The following ADAM15 variants were observed in gnomAD, a reference collection of about 807,000 sequenced individuals.
The protein encoded by ADAM15 is ADAM metallopeptidase domain 15.
In ADAM15, 77 loss-of-function variants were observed where a neutral mutation model predicts 113.8. The ratio of observed to expected loss-of-function variants is 0.68; its 90% confidence interval spans 0.56 to 0.82. ADAM15 has a LOEUF of 0.82. Among genes scored for constraint, ADAM15 ranks in the 40% least tolerant of loss-of-function variants. The probability of loss-of-function intolerance (pLI) is 0.00; values close to 1 mark genes in which losing one functional copy is unlikely to be tolerated. For missense variants in ADAM15, 963 were observed against 1,120.1 expected, an observed-to-expected ratio of 0.86 and a Z score of 2.00; for synonymous variants, 388 against 454.1, an observed-to-expected ratio of 0.85 and a Z score of 1.85.
chr1:155,052,407 A>G, intron 1 of ADAM15: 1 of 1,233,788 alleles, frequency 8.1e-7, no homozygotes, highest in Non-Finnish European at 1.1e-6. Context: ...ATTGGCCGGA[A>G]GGGGACAAGG....
At position 155,061,424 on chromosome 1, in the gene ADAM15, G is replaced by A. The variant is rs1390335682; in HGVS notation, c.2287G>A (p.Ala763Thr). ...CCTCCTGCCCTCTCAGCAGGCTAGT[G>A]CTCTCAGCTTCCCGGCCCCCCCTTC... The part of the protein sequence containing the change: ...LLARGTKQAS[A>T]LSFPAPPSRP... The change falls in exon 20 of 23, where the codon GCT (alanine) becomes ACT (threonine). Residue 763 changes from alanine to threonine, a missense_variant. Transcript: ENST00000356955. 5 of 1,613,300 alleles carry A rather than the reference G, an allele frequency of 3.1e-6. No individual in the cohort carries two copies. The highest frequency in any genetic ancestry group is 4.2e-6 in the Non-Finnish European group (5 of 1,179,792).
chr1:155,059,208 C>T (rs1200499585), intron 16 of ADAM15, among the ~76,000 whole-genome samples: 1 of 152,154 alleles, frequency 6.6e-6, no homozygotes, highest in Non-Finnish European at 1.5e-5. Flanking sequence ...GCTGGGATTA[C>T]AGTCACCCGC....
At chr1:155,053,291 C>A in intron 2 of ADAM15, 126 bp from the exon 3 acceptor site, 1 of 859,668 alleles carries the variant, frequency 1.2e-6, no homozygotes, top group Non-Finnish European at 1.9e-6. Flanking sequence ...CCTGGCCCCT[C>A]CCCTGGGATC....
At chr1:155,060,038 C>A in intron 17 of ADAM15, 64 bp downstream of exon 17, 1 of 1,596,572 alleles carries the variant, frequency 6.3e-7, no homozygotes, top group East Asian at 2.2e-5. Flanking sequence ...TTATCTTGCC[C>A]CCTCGGCCCT....
intron 19 of ADAM15, 178 bp downstream of exon 19, chr1:155,061,010 G>GAGTCCAGAA (rs2102424260): frequency 1.6e-6 from 1 of 637,112 alleles, no homozygotes; most frequent in East Asian, 2.8e-5. Flanking sequence ...CAGGGAAGCT[G>GAGTCCAGAA]AGTCCAGAAG....
Position 155,054,419 on chromosome 1 carries a change from A to G in ADAM15, c.525A>G (p.Pro175=). 6.2e-7 allele frequency: 1 copy of G among 1,613,998 alleles called. No individual in the cohort carries two copies. The highest frequency in any genetic ancestry group is 8.5e-7 in the Non-Finnish European group (1 of 1,179,960). Residue 175 remains proline, a synonymous_variant, in exon 6 of 23, where the codon CCA becomes CCG. Transcript: ENST00000356955. ...CGCGAATCCAAGATCTCCACCTGCC[A>G]GGCCACACCTGTGCCCTGAGCTGGC... ...IISRIQDLHL[P]GHTCALSWRE...
chr1:155,051,340 C>A lies in ADAM15; in HGVS notation c.-47C>A. 3 of 1,402,042 alleles carry A rather than the reference C, an allele frequency of 2.1e-6. No individual in the cohort carries two copies. Among genetic ancestry groups the A allele is most frequent in the African/African-American group, 1.5e-5 (1 of 65,478 alleles). 86.9% of individuals were successfully genotyped at this position (1,402,042 alleles called of 1,614,324 possible). On this transcript the variant is annotated 5_prime_UTR_variant, in exon 1 of 23. Coordinates refer to ENST00000356955, the MANE Select transcript of ADAM15 (RefSeq NM_207197.3). ...CCTGGCCGCCGGCCGCTCCTCCGCG[C>A]GCTGTTCCGCACTTGCTGCCCTCGC...
rs1662443888 is a variant in ADAM15 at position 155,060,644 on chromosome 1, A to G, written c.2208-119A>G. ...TGCCCCCCACCCCGGCCCTACCACAATTTTACCTAAACCACACATAAGTGC... is the reference window on the plus strand; with the variant it reads ...TGCCCCCCACCCCGGCCCTACCACAGTTTTACCTAAACCACACATAAGTGC... On this transcript the variant is annotated intron_variant, in intron 18 of 22. Transcript: ENST00000356955. 4.1e-6 allele frequency: 5 copies of G among 1,206,486 alleles called. No individual in the cohort carries two copies. In the South Asian group the frequency reaches 5.1e-5, roughly 12 times the overall value. 74.7% of individuals were successfully genotyped at this position (1,206,486 alleles called of 1,614,324 possible).
rs1007171259 is a variant in ADAM15 at position 155,057,785 on chromosome 1, A to G, written c.1416+56A>G. The G allele has an allele frequency of 5.6e-6, 9 of 1,613,314 alleles. No homozygotes were observed. Among genetic ancestry groups the G allele is most frequent in the Non-Finnish European group, 7.6e-6 (9 of 1,179,370 alleles). ...CTCACCTGCCGGGGCCAAGGTGGAAAGGGTCATTCTGACCCCCGGCTGGAT... is the reference window on the plus strand; with the variant it reads ...CTCACCTGCCGGGGCCAAGGTGGAAGGGGTCATTCTGACCCCCGGCTGGAT... On this transcript the variant is annotated intron_variant, in intron 13 of 22. Coordinates refer to ENST00000356955, the MANE Select transcript of ADAM15 (RefSeq NM_207197.3). This position sits in a 1 kb window ranked among gnomAD's most constrained non-coding sequence, Gnocchi z 5.0.
chr1:155,055,562 G>A (rs1356610081), intron 6 of ADAM15: 2 of 576,356 alleles, frequency 3.5e-6, no homozygotes, highest in East Asian at 2.9e-5. Flanking sequence ...AAAAACCACT[G>A]AGTTTGGAGC....
rs550092467 is a variant in ADAM15 at position 155,056,304 on chromosome 1, C to T, written c.914+55C>T. 189 of 1,611,512 alleles carry T rather than the reference C, an allele frequency of 1.2e-4. No homozygotes were observed. The highest frequency in any genetic ancestry group is 1.2e-3 in the Middle Eastern group (7 of 6,046). ...CAGTCCTGTCCTGGCCAAATTCACA[C>T]CCCTTCAGCACCCTACCTCAGCCCC... is the stretch of plus-strand genomic sequence containing the variant. On this transcript the variant is annotated intron_variant, in intron 9 of 22. Coordinates refer to ENST00000356955, the MANE Select transcript of ADAM15 (RefSeq NM_207197.3). The surrounding 1 kb of genome is among the most constrained non-coding windows in gnomAD (Gnocchi z 4.0).
At position 155,051,401 on chromosome 1, in the gene ADAM15, G is replaced by A. The variant is rs1232214750; in HGVS notation, c.15G>A (p.Leu5=). The A allele has an allele frequency of 6.5e-7, 1 of 1,548,586 alleles. No individual in the cohort carries two copies. Among genetic ancestry groups the A allele is most frequent in the Non-Finnish European group, 8.7e-7 (1 of 1,152,132 alleles). MRLA[L]LWALGLLGAG... ...GCGCCGCTGCCATGCGGCTGGCGCT[G>A]CTCTGGGCCCTGGGGCTCCTGGGCG... Residue 5 remains leucine (L), a synonymous_variant, in exon 1 of 23, where the codon CTG becomes CTA. Transcript: ENST00000356955.
intron 20 of ADAM15, 182 bp from the exon 21 acceptor site, chr1:155,061,722 G>A: frequency 1.2e-6 from 1 of 813,292 alleles, no homozygotes. Context: ...GACTGCGGTT[G>A]ACCTACACCT....
intron 2 of ADAM15, 105 bp downstream of exon 2, chr1:155,052,882 C>T (rs1415797001): frequency 2.1e-6 from 3 of 1,448,934 alleles, no homozygotes; most frequent in African/African-American, 2.8e-5. Context: ...GGGTAGAGCT[C>T]ACTGTAGTGG....
chr1:155,058,347 C>G lies in ADAM15; in HGVS notation c.1823C>G (p.Thr608Ser). 1 of 1,614,050 alleles carries G rather than the reference C, an allele frequency of 6.2e-7. No individual in the cohort carries two copies. The highest frequency in any genetic ancestry group is 8.5e-7 in the Non-Finnish European group (1 of 1,180,026). ...TGGGAGACAATAGATGTGAATGGGACTGAGCTGAACTGCAGCTGGGTGCAC... is the reference window on the plus strand; with the variant it reads ...TGGGAGACAATAGATGTGAATGGGAGTGAGCTGAACTGCAGCTGGGTGCAC... Reference protein sequence around the residue: ...LLWETIDVNGTELNCSWVHLD... With the variant: ...LLWETIDVNGSELNCSWVHLD... Residue 608 changes from threonine to serine, a missense_variant, in exon 15 of 23, where the codon ACT becomes AGT. By Grantham distance (58) the Thr-to-Ser change is moderately conservative. Coordinates refer to ENST00000356955, the MANE Select transcript of ADAM15 (RefSeq NM_207197.3). This position sits in a 1 kb window ranked among gnomAD's most constrained non-coding sequence, Gnocchi z 4.3.
At chr1:155,051,912 T>C (rs555159553) in intron 1 of ADAM15, 1 of 160,648 alleles carries the variant, frequency 6.2e-6, no homozygotes, top group Admixed American at 6.3e-5. Context: ...ATTCCAGGCC[T>C]GGGGCCGCCA....
rs909413862 is a variant in ADAM15, at chr1:155,058,843, G to C, written c.1995+56G>C. 6 of 1,540,010 alleles carry C rather than the reference G, an allele frequency of 3.9e-6. No individual in the cohort carries two copies. The Admixed American group carries it at 6.3e-5, about 16-fold the overall frequency. Reference sequence around the variant, plus strand: ...GCAGAGAGCCTCTAGAGAGGAAAAGGATACTGGGCTTTGGAAATAGACATA... The same window carrying C: ...GCAGAGAGCCTCTAGAGAGGAAAAGCATACTGGGCTTTGGAAATAGACATA... On this transcript the variant is annotated intron_variant, in intron 16 of 22. Coordinates refer to ENST00000356955, the MANE Select transcript of ADAM15 (RefSeq NM_207197.3). The surrounding 1 kb of genome is among the most constrained non-coding windows in gnomAD (Gnocchi z 4.3).
chr1:155,062,184 T>C lies in ADAM15; in HGVS notation c.2425-61T>C, dbSNP rs1662737838. On this transcript the variant is annotated intron_variant, in intron 21 of 22. Coordinates refer to ENST00000356955, the MANE Select transcript of ADAM15 (RefSeq NM_207197.3). The surrounding 1 kb of genome is among the most constrained non-coding windows in gnomAD (Gnocchi z 7.0). ...GCTGGTGTTCCCCAGCACCAGTGCG[T>C]TGGGGGTGGGCAACATGACACCCCC... 1 of 1,445,736 alleles carries C rather than the reference T, an allele frequency of 6.9e-7. No homozygotes were observed. The highest frequency in any genetic ancestry group is 9.1e-7 in the Non-Finnish European group (1 of 1,096,396). The allele number at this position is 1,445,736 out of a possible 1,614,324, so 89.6% of individuals were successfully genotyped here.
chr1:155,057,589 A>G lies in ADAM15; in HGVS notation c.1324-48A>G, dbSNP rs770624629. ...AGGAGGAGAGATTGGAGGGAGGCTC[A>G]CAGGCCCCACCTGCTCTGATGCCCG... is the stretch of plus-strand genomic sequence containing the variant. On this transcript the variant is annotated intron_variant, in intron 12 of 22. Transcript: ENST00000356955. The surrounding 1 kb of genome is among the most constrained non-coding windows in gnomAD (Gnocchi z 5.0). 3.1e-6 allele frequency: 5 copies of G among 1,601,414 alleles called. No individual in the cohort carries two copies. In the African/African-American group the frequency reaches 6.7e-5, roughly 21 times the overall value.
Sources: gnomAD v4.1 joint callset for allele counts (sites outside exome capture counted in the v4.1 genomes callset) on GRCh38, gnomAD v4.1.1 for gene constraint, Gnocchi (gnomAD v3.1) non-coding constraint, MANE v1.5 for transcripts, NCBI Gene and HGNC (gene_info 2026-07-23, HGNC 2026-07-21) for gene names.